DISC1: variants seen among roughly 807,000 people sequenced by gnomAD.
DISC1 encodes DISC1 scaffold protein.
A neutral mutation model predicts 84.5 loss-of-function variants in DISC1; 57 were observed. The ratio of observed to expected loss-of-function variants is 0.67; its 90% CI spans 0.55 to 0.84. DISC1 has a LOEUF of 0.84. DISC1 is among the 40% of genes least tolerant of loss of function. The pLI, the probability that DISC1 is intolerant of heterozygous loss-of-function variation, is 0.00. For synonymous variants in DISC1, 411 were observed against 415.2 expected (o/e 0.99, Z 0.12); for missense variants, 1,000 against 1,057.8 (o/e 0.95, Z 0.76).
In DISC1 at chr1:231,723,472, T is replaced by C. The variant is rs1038191563; in HGVS notation, c.1117+21448T>C. ...CTCTTTGTGCAGAACTTATTTCTGG[T>C]CTGGTTTAAGTGAACGTTATTCTTT... On this transcript the variant is annotated intron_variant, in intron 3 of 12. Coordinates refer to ENST00000439617, the MANE Select transcript of DISC1 (RefSeq NM_018662.3). 7.1e-6 allele frequency: 7 copies of C among 985,402 alleles called. No individual in the cohort carries two copies. The African/African-American group carries it at 1.2e-4, about 17-fold the overall frequency. 61.0% of individuals were successfully genotyped at this position (985,402 alleles called of 1,614,324 possible).
intron 1 of DISC1, among the ~76,000 whole-genome samples, 155 bp from the exon 2 acceptor site, chr1:231,693,671 A>C (rs2065307634): frequency 6.6e-6 from 1 of 152,212 alleles, no homozygotes. Flanking sequence ...CAGGATTTAC[A>C]TAATGGATTG....
chr1:232,033,697 TGAAA>T (rs66476853), intron 12 of DISC1, among the ~76,000 whole-genome samples: 47,412 of 151,896 alleles, frequency 0.31, 7,716 homozygotes, highest in Middle Eastern at 0.39. Context: ...TTTGAATGAG[TGAAA>T]GAAAGAAAGA....
rs547542996 is a variant in DISC1, at chr1:232,013,504, A to G, written c.2307+4455A>G. Among the ~76,000 whole-genome samples the G allele has an allele frequency of 3.8e-5, 5 of 132,594 alleles. No homozygotes were observed. In the East Asian group the frequency reaches 1.2e-3, roughly 31 times the overall value. The allele number at this position is 132,594 out of a possible 152,430, so 87.0% of individuals were successfully genotyped here. On this transcript the variant is annotated intron_variant, in intron 11 of 12. Coordinates refer to ENST00000439617, the MANE Select transcript of DISC1 (RefSeq NM_018662.3). ...TTAAGGGCTAACACTCCTATAACAAAAACAAGTTAACGAGAAAAACATAAC... is the reference window on the plus strand; with the variant it reads ...TTAAGGGCTAACACTCCTATAACAAGAACAAGTTAACGAGAAAAACATAAC...
At chr1:231,846,544 A>G (rs549086284) in intron 9 of DISC1, among the ~76,000 whole-genome samples, 3 of 152,290 alleles carry the variant, frequency 2.0e-5, no homozygotes, top group East Asian at 3.9e-4. Flanking sequence ...TGCTTCTACA[A>G]TGCCAGTGAT....
intron 3 of DISC1, among the ~76,000 whole-genome samples, chr1:231,704,403 A>T (rs1275407454): frequency 6.6e-6 from 1 of 152,194 alleles, no homozygotes; most frequent in Non-Finnish European, 1.5e-5. Context: ...TCCATCGTAT[A>T]CAACAGCACT....
intron 9 of DISC1, among the ~76,000 whole-genome samples, chr1:231,906,623 TTGTGA>T (rs1335275672): frequency 1.3e-5 from 2 of 152,166 alleles, no homozygotes; most frequent in Non-Finnish European, 2.9e-5. Flanking sequence ...AGCTGGGTGA[TTGTGA>T]TGGCACTGTC....
At chr1:231,962,840 C>G (rs1030454530) in intron 10 of DISC1, among the ~76,000 whole-genome samples, 5 of 152,188 alleles carry the variant, frequency 3.3e-5, no homozygotes, top group Non-Finnish European at 1.5e-5. Context: ...ACCCACCTGG[C>G]TGCCTGGGTG....
intron 9 of DISC1, among the ~76,000 whole-genome samples, chr1:231,942,816 C>T (rs1031183175): frequency 5.9e-5 from 9 of 152,366 alleles, no homozygotes; most frequent in East Asian, 5.8e-4. Context: ...TGCTGAGCAC[C>T]GGGCATTGCC....
chr1:232,019,966 G>C (rs1286898797), intron 11 of DISC1, among the ~76,000 whole-genome samples: 3 of 152,144 alleles, frequency 2.0e-5, no homozygotes, highest in Admixed American at 1.3e-4. Context: ...AGTTCTGAGA[G>C]TAGAAGGGAA....
intron 1 of DISC1, among the ~76,000 whole-genome samples, chr1:231,671,575 C>T (rs1233588568): frequency 6.6e-6 from 1 of 152,192 alleles, no homozygotes; most frequent in African/African-American, 2.4e-5. Flanking sequence ...TCTCCATTCT[C>T]CTGAGTAAAG....
At position 232,008,787 on chromosome 1, in the gene DISC1, G is replaced by GC. The variant is rs781085620; in HGVS notation, c.2046dup (p.Lys683GlnfsTer12). 5.1e-6 allele frequency: 8 copies of GC among 1,555,180 alleles called. No homozygotes were observed. The African/African-American group carries it at 1.1e-4, about 21-fold the overall frequency. ...CCTTTGTTTCCTCTCTGTCTCAGCT[G>GC]CAAGTGTCCACTGCTTGGGAAAGTG... On this transcript the variant is annotated frameshift_variant, in exon 11 of 13. Coordinates refer to ENST00000439617, the MANE Select transcript of DISC1 (RefSeq NM_018662.3). LOFTEE classifies it high-confidence loss of function.
At chr1:231,847,347 G>A (rs961964397) in intron 9 of DISC1, among the ~76,000 whole-genome samples, 5 of 152,118 alleles carry the variant, frequency 3.3e-5, no homozygotes, top group African/African-American at 1.2e-4. Context: ...TCTCCAAAAA[G>A]TCACATTCTG....
chr1:231,710,861 A>T (rs566535674), intron 3 of DISC1, among the ~76,000 whole-genome samples: 19 of 152,318 alleles, frequency 1.2e-4, no homozygotes, highest in African/African-American at 3.4e-4. Context: ...GAACTCCAAC[A>T]TATGAATATT....
At chr1:231,859,547 C>T (rs192643565) in intron 9 of DISC1, among the ~76,000 whole-genome samples, 1 of 142,032 alleles carries the variant, frequency 7.0e-6, no homozygotes, top group Non-Finnish European at 1.5e-5. Flanking sequence ...CCCAAAACCC[C>T]TACATCTTAA....
At position 231,674,571 on chromosome 1, in the gene DISC1, C is replaced by T. The variant is rs969971192; in HGVS notation, c.68-19255C>T. Among the ~76,000 whole-genome samples, 40 of 152,270 alleles carry T rather than the reference C, an allele frequency of 2.6e-4. 1 individual carries two copies. Among genetic ancestry groups the T allele is most frequent in the African/African-American group, 9.4e-4 (39 of 41,554 alleles). ...ACTGATTTTCTTTTTGTCTCATCAC[C>T]AGGCTAGGTGTGACCCGGGTGTGCA... On this transcript the variant is annotated intron_variant, in intron 1 of 12. Coordinates refer to ENST00000439617, the MANE Select transcript of DISC1 (RefSeq NM_018662.3).
intron 9 of DISC1, among the ~76,000 whole-genome samples, chr1:231,873,094 G>A (rs2085585987): frequency 6.6e-6 from 1 of 152,154 alleles, no homozygotes; most frequent in South Asian, 2.1e-4. Context: ...CCCTGCAAGG[G>A]CCTTCACCTC....
rs532329085 is a variant in DISC1 at position 231,722,458 on chromosome 1, T to A, written c.1117+20434T>A. 2.1e-4 allele frequency: 330 copies of A among 1,600,792 alleles called. No homozygotes were observed. The African/African-American group carries it at 3.9e-3, about 19-fold the overall frequency. On this transcript the variant is annotated intron_variant, in intron 3 of 12. Coordinates refer to ENST00000439617, the MANE Select transcript of DISC1 (RefSeq NM_018662.3). ...AGTGTGTCCAGCATAAACATCACAG[T>A]GCTTCAAATACTGTTAGTCCCAGTC...
chr1:231,643,170 C>T lies in DISC1; in HGVS notation c.67+16236C>T, dbSNP rs2059864608. The stretch of plus-strand genomic sequence containing the variant: ...GTGAGTGTGGGAGTCAAAGGCCCTT[C>T]AGTGCAGAGATAATGCCATCTTGTT... On this transcript the variant is annotated intron_variant, in intron 1 of 12. Transcript: ENST00000439617. Among the ~76,000 whole-genome samples the T allele has an allele frequency of 3.3e-5, 5 of 152,164 alleles. No individual in the cohort carries two copies. The South Asian group carries it at 1.0e-3, about 32-fold the overall frequency.
chr1:231,723,082 C>T lies in DISC1; in HGVS notation c.1117+21058C>T, dbSNP rs2070079856. The T allele has an allele frequency of 6.9e-6, 7 of 1,008,936 alleles. No individual in the cohort carries two copies. In the South Asian group the frequency reaches 2.8e-4, roughly 41 times the overall value. 62.5% of individuals were successfully genotyped at this position (1,008,936 alleles called of 1,614,324 possible). A position where few individuals can be genotyped will look rare whatever the true frequency, so the allele number is the denominator to read the frequency against. On this transcript the variant is annotated intron_variant, in intron 3 of 12. Coordinates refer to ENST00000439617, the MANE Select transcript of DISC1 (RefSeq NM_018662.3). ...CCTTGATATCCATGGGGGATTAATTCCAGGACGCCTGTGGATACAGAAATC... is the reference window on the plus strand; with the variant it reads ...CCTTGATATCCATGGGGGATTAATTTCAGGACGCCTGTGGATACAGAAATC...
Sources: allele counts gnomAD v4.1 joint callset (sites outside exome capture counted in the v4.1 genomes callset), GRCh38; gene constraint gnomAD v4.1.1; transcripts MANE v1.5; gene names NCBI Gene and HGNC (gene_info 2026-07-23, HGNC 2026-07-21).